Variants in CTNNA2 observed in about 807,000 individuals in gnomAD.
CTNNA2 encodes catenin alpha-2.
A neutral mutation model predicts 101.0 loss-of-function variants in CTNNA2; 42 were observed. That is an observed-to-expected ratio of 0.42 (90% CI 0.32 to 0.54). CTNNA2 has a LOEUF of 0.54. CTNNA2 is among the 20% of genes least tolerant of loss of function. The probability of loss-of-function intolerance (pLI) is 0.14; values close to 1 mark genes in which losing one functional copy is unlikely to be tolerated. For missense variants in CTNNA2, 871 were observed against 1,223.1 expected, an observed-to-expected ratio of 0.71 and a Z score of 4.29; for synonymous variants, 450 against 456.4, an observed-to-expected ratio of 0.99 and a Z score of 0.18.
chr2:80,234,812 A>AT lies in CTNNA2; in HGVS notation c.1057-158386dup, dbSNP rs201091912. ...TTTCTTCTATTCCAAAAGTTGGCAG[A>AT]TTTTTTTTTTTTTGGTATGTGCTAG... On this transcript the variant is annotated intron_variant, in intron 7 of 18. Transcript: ENST00000402739. Among the ~76,000 whole-genome samples, 1,216 of 146,502 alleles carry AT rather than the reference A, an allele frequency of 8.3e-3. 9 individuals are homozygous for AT. Among genetic ancestry groups the AT allele is most frequent in the African/African-American group, 0.024 (961 of 40,554 alleles).
At position 80,400,969 on chromosome 2, in the gene CTNNA2, T is replaced by C. The variant is rs574383835; in HGVS notation, c.1137+7678T>C. Among the ~76,000 whole-genome samples, 27 of 152,340 alleles carry C rather than the reference T, an allele frequency of 1.8e-4. 2 individuals carry two copies. The East Asian group carries it at 4.6e-3, about 26-fold the overall frequency. ...GCACTTGTGTTGCTTCTGCCTGGAA[T>C]ACTCCCACCACCCTTTTTGTTTTCT... is the stretch of plus-strand genomic sequence containing the variant. On this transcript the variant is annotated intron_variant, in intron 8 of 18. Coordinates refer to ENST00000402739, the MANE Select transcript of CTNNA2 (RefSeq NM_001282597.3).
intron 2 of CTNNA2, among the ~76,000 whole-genome samples, chr2:79,706,533 GGTTTAA>G (rs1336591366): frequency 6.6e-6 from 1 of 152,020 alleles, no homozygotes; most frequent in Non-Finnish European, 1.5e-5. Flanking sequence ...CTTCCCATTT[GGTTTAA>G]AAATTTCCCT....
chr2:80,436,770 C>G (rs948118246), intron 9 of CTNNA2, among the ~76,000 whole-genome samples: 1 of 152,152 alleles, frequency 6.6e-6, no homozygotes, highest in Non-Finnish European at 1.5e-5. Flanking sequence ...CAAGCTCTGT[C>G]AGTCCTCTTT....
intron 7 of CTNNA2, among the ~76,000 whole-genome samples, chr2:80,152,959 A>C (rs971553808): frequency 2.0e-5 from 3 of 152,196 alleles, no homozygotes; most frequent in Non-Finnish European, 4.4e-5. Flanking sequence ...TATTCTTCCC[A>C]AATAGCTATA....
chr2:79,289,371 G>A (rs146205364), intron 2 of CTNNA2, among the ~76,000 whole-genome samples: 66 of 152,288 alleles, frequency 4.3e-4, no homozygotes, highest in Middle Eastern at 3.4e-3. Context: ...AACAAAAGAT[G>A]TGAGTGTTTG....
At chr2:79,541,879 C>G (rs571222718) in intron 1 of CTNNA2, among the ~76,000 whole-genome samples, 213 of 152,176 alleles carry the variant, frequency 1.4e-3, no homozygotes, top group Non-Finnish European at 2.7e-3. Context: ...CCCACCTTAG[C>G]CTCCCAAAGT....
chr2:80,232,345 G>T (rs7421072), intron 7 of CTNNA2, among the ~76,000 whole-genome samples: 2,442 of 61,496 alleles, frequency 0.04, 62 homozygotes, highest in African/African-American at 0.077. Flanking sequence ...TTGTTTGTTT[G>T]TTTTTTTTTT....
At chr2:79,355,205 A>T (rs1677482368) in intron 3 of CTNNA2, among the ~76,000 whole-genome samples, 1 of 151,570 alleles carries the variant, frequency 6.6e-6, no homozygotes, top group Admixed American at 6.6e-5. Context: ...TGGTTTGGCT[A>T]TTTGGGCTCT....
At chr2:80,225,549 C>A (rs1479242950) in intron 7 of CTNNA2, among the ~76,000 whole-genome samples, 1 of 152,152 alleles carries the variant, frequency 6.6e-6, no homozygotes. Flanking sequence ...TTTAGAGCAG[C>A]AATTCCCTAT....
intron 3 of CTNNA2, among the ~76,000 whole-genome samples, chr2:79,765,858 C>T (rs549213002): frequency 2.6e-5 from 4 of 152,290 alleles, no homozygotes; most frequent in South Asian, 2.1e-4. Flanking sequence ...TGCGTACTCC[C>T]TCACCTTTGC....
intron 15 of CTNNA2, chr2:80,603,671 T>C (rs963663256): frequency 1.9e-5 from 3 of 158,320 alleles, no homozygotes; most frequent in African/African-American, 7.2e-5. Flanking sequence ...CTAGATCATT[T>C]TGGGCTCATT....
At chr2:80,639,517 G>A (rs1353362877) in intron 18 of CTNNA2, among the ~76,000 whole-genome samples, 4 of 112,078 alleles carry the variant, frequency 3.6e-5, no homozygotes, top group African/African-American at 1.0e-4. Flanking sequence ...GCCTTGATGT[G>A]TGTGTGTGTG....
rs766479045 is a variant in CTNNA2 at position 79,725,724 on chromosome 2, C to G, written c.103-18663C>G. Among the ~76,000 whole-genome samples the G allele has an allele frequency of 1.8e-4, 28 of 152,176 alleles. 1 individual carries two copies. The highest frequency in any genetic ancestry group is 4.6e-4 in the Admixed American group (7 of 15,278). ...TTTCTTTCTAAATTGTCAGTGCATG[C>G]ACCTTAAAACCTTGAAGATGCTCCC... is the stretch of plus-strand genomic sequence containing the variant. On this transcript the variant is annotated intron_variant, in intron 2 of 18. Coordinates refer to ENST00000402739, the MANE Select transcript of CTNNA2 (RefSeq NM_001282597.3).
intron 7 of CTNNA2, among the ~76,000 whole-genome samples, chr2:80,314,718 G>A (rs1677938148): frequency 6.6e-6 from 1 of 152,218 alleles, no homozygotes; most frequent in Non-Finnish European, 1.5e-5. Context: ...TCTAGCTGGT[G>A]TTGAGTGTAT....
chr2:80,035,887 G>A lies in CTNNA2; in HGVS notation c.1056+126090G>A, dbSNP rs150581914. ...GAGGAACTGGGTAGCAACCAGCATG[G>A]TATTGTAAAGAGAAAACTGTGTGGG... On this transcript the variant is annotated intron_variant, in intron 7 of 18. Transcript: ENST00000402739. Among the ~76,000 whole-genome samples, 356 of 152,266 alleles carry A rather than the reference G, an allele frequency of 2.3e-3. 3 individuals are homozygous for A. Among genetic ancestry groups the A allele is most frequent in the African/African-American group, 7.9e-3 (329 of 41,550 alleles).
chr2:80,610,754 T>A (rs563227111), intron 17 of CTNNA2, among the ~76,000 whole-genome samples: 2 of 151,902 alleles, frequency 1.3e-5, no homozygotes, highest in Non-Finnish European at 1.5e-5. Context: ...TTATGTCTTA[T>A]GTCAGCGTGT....
At chr2:79,543,029 A>G (rs1294278440) in intron 1 of CTNNA2, among the ~76,000 whole-genome samples, 1 of 152,146 alleles carries the variant, frequency 6.6e-6, no homozygotes. Flanking sequence ...ATTTTCAACC[A>G]TTTATAAATG....
intron 9 of CTNNA2, among the ~76,000 whole-genome samples, chr2:80,514,404 G>A (rs926928744): frequency 6.6e-6 from 1 of 152,168 alleles, no homozygotes; most frequent in Middle Eastern, 3.2e-3. Flanking sequence ...TATCATCTCA[G>A]TGGGCCCCTT....
At chr2:79,321,444 A>C (rs1377522534) in intron 3 of CTNNA2, among the ~76,000 whole-genome samples, 2 of 152,218 alleles carry the variant, frequency 1.3e-5, no homozygotes, top group Non-Finnish European at 2.9e-5. Flanking sequence ...ATAGCAGCTG[A>C]GAGAAGAAAT....
Sources: allele counts gnomAD v4.1 joint callset (sites outside exome capture counted in the v4.1 genomes callset), GRCh38; gene constraint gnomAD v4.1.1; transcripts MANE v1.5; gene names NCBI Gene and HGNC (gene_info 2026-07-23, HGNC 2026-07-21).